Variants in STX18 observed in about 807,000 individuals in gnomAD.
STX18 encodes the protein syntaxin 18.
Under a neutral mutation model 50.1 loss-of-function variants are expected in STX18, and 40 were observed. The observed-to-expected ratio is 0.80, with a 90% CI of 0.62 to 1.04. STX18 has a LOEUF of 1.04. STX18 is among the 50% of genes least tolerant of loss of function. The pLI, the probability that STX18 is intolerant of heterozygous loss-of-function variation, is 0.00. For missense variants in STX18, 410 were observed against 415.8 expected (o/e 0.99, Z 0.12); for synonymous variants, 158 against 151.8 (o/e 1.04, Z -0.30).
In STX18 at chr4:4,443,246, T is replaced by C. The variant is rs183591953; in HGVS notation, c.498-4737A>G. Among the ~76,000 whole-genome samples, 20 of 152,388 alleles carry C rather than the reference T, an allele frequency of 1.3e-4. No individual in the cohort carries two copies. In the East Asian group the frequency reaches 3.7e-3, roughly 28 times the overall value. ...GCAATTTCGTAATTCAATTTTAATA[T>C]GGCAAAGGCCTAGGAAAAAATCCAC... On this transcript the variant is annotated intron_variant, in intron 5 of 10. Transcript: ENST00000306200.
chr4:4,541,990 C>T lies in STX18; in HGVS notation c.-26G>A, dbSNP rs1306730606. The T allele has an allele frequency of 1.9e-6, 3 of 1,558,448 alleles. No individual in the cohort carries two copies. Among genetic ancestry groups the T allele is most frequent in the Non-Finnish European group, 1.7e-6 (2 of 1,151,994 alleles). Reference sequence around the variant, plus strand: ...AGCGACCCGCACCCTCAGCCCCACACTAGGCCCGCCCACGTAAGCAGCCGG... The same window carrying T: ...AGCGACCCGCACCCTCAGCCCCACATTAGGCCCGCCCACGTAAGCAGCCGG... On this transcript the variant is annotated 5_prime_UTR_variant, in exon 1 of 11. In the 5' UTR this introduces an upstream ATG that the reference lacks. Transcript: ENST00000306200.
intron 1 of STX18, among the ~76,000 whole-genome samples, chr4:4,516,296 A>G (rs1240563310): frequency 3.3e-5 from 5 of 152,194 alleles, no homozygotes; most frequent in Non-Finnish European, 1.5e-5. Flanking sequence ...ATGGTTTCTC[A>G]AATTCCCTGG....
chr4:4,444,485 G>C (rs536272119), intron 5 of STX18, among the ~76,000 whole-genome samples: 64 of 152,280 alleles, frequency 4.2e-4, no homozygotes, highest in African/African-American at 1.5e-3. Flanking sequence ...GAGCTTCCCT[G>C]ATTGACAATA....
chr4:4,432,854 T>C (rs1420744961), intron 7 of STX18, among the ~76,000 whole-genome samples: 6 of 152,260 alleles, frequency 3.9e-5, no homozygotes, highest in Admixed American at 2.0e-4. Flanking sequence ...TCCTCTGCCC[T>C]TGGCGGCCAA....
intron 1 of STX18, among the ~76,000 whole-genome samples, chr4:4,539,473 T>C (rs977237524): frequency 6.6e-6 from 1 of 152,198 alleles, no homozygotes; most frequent in Non-Finnish European, 1.5e-5. Context: ...TGGGGAACGG[T>C]TGCAAGAACA....
chr4:4,503,112 A>G (rs1490254217), intron 1 of STX18, among the ~76,000 whole-genome samples: 1 of 152,210 alleles, frequency 6.6e-6, no homozygotes, highest in Non-Finnish European at 1.5e-5. Flanking sequence ...CACTAAAAAA[A>G]GTTAATGACA....
intron 1 of STX18, among the ~76,000 whole-genome samples, chr4:4,487,281 GT>G (rs1027439784): frequency 1.3e-5 from 2 of 152,220 alleles, no homozygotes; most frequent in African/African-American, 2.4e-5. Context: ...CCTGCAGGTG[GT>G]GGGGAGACTG....
At chr4:4,427,496 C>T (rs1433617847) in intron 7 of STX18, among the ~76,000 whole-genome samples, 1 of 152,246 alleles carries the variant, frequency 6.6e-6, no homozygotes. Flanking sequence ...GGCGCCAATT[C>T]ACTTTGGCTA....
intron 8 of STX18, 121 bp downstream of exon 8, chr4:4,425,043 G>A (rs1370659559): frequency 2.3e-6 from 2 of 859,944 alleles, no homozygotes; most frequent in African/African-American, 1.7e-5. Flanking sequence ...AAATGGCTGA[G>A]GGGGGCTGCA....
At chr4:4,430,964 CA>C (rs1348811482) in intron 7 of STX18, among the ~76,000 whole-genome samples, 1 of 152,194 alleles carries the variant, frequency 6.6e-6, no homozygotes, top group Non-Finnish European at 1.5e-5. Flanking sequence ...CATCCCTCCA[CA>C]GGATGAGAGC....
intron 1 of STX18, 120 bp downstream of exon 1, chr4:4,541,677 C>A: frequency 8.7e-7 from 1 of 1,150,186 alleles, no homozygotes; most frequent in East Asian, 2.9e-5. Context: ...ACTCTTCTGT[C>A]CCCCTTAGAG....
At chr4:4,451,796 T>C (rs964958189) in intron 5 of STX18, among the ~76,000 whole-genome samples, 13 of 152,126 alleles carry the variant, frequency 8.5e-5, no homozygotes, top group South Asian at 2.1e-4. Context: ...CCTAGAGACA[T>C]AACACAGGCC....
intron 2 of STX18, among the ~76,000 whole-genome samples, chr4:4,469,170 T>C (rs1727782343): frequency 6.6e-6 from 1 of 151,758 alleles, no homozygotes; most frequent in Non-Finnish European, 1.5e-5. Flanking sequence ...TGGCGCAGAG[T>C]AAAAGGTGAG....
intron 1 of STX18, among the ~76,000 whole-genome samples, chr4:4,523,155 T>C (rs1730590408): frequency 6.6e-6 from 1 of 152,234 alleles, no homozygotes; most frequent in African/African-American, 2.4e-5. Flanking sequence ...TTAACCATCA[T>C]GGCACAAATC....
At chr4:4,512,125 C>T (rs182893524) in intron 1 of STX18, among the ~76,000 whole-genome samples, 43 of 152,090 alleles carry the variant, frequency 2.8e-4, no homozygotes, top group African/African-American at 8.4e-4. Context: ...AAGATGGGAA[C>T]GGCAAGGATA....
chr4:4,536,261 G>C (rs1416724656), intron 1 of STX18, among the ~76,000 whole-genome samples: 3 of 152,330 alleles, frequency 2.0e-5, no homozygotes, highest in South Asian at 4.1e-4. Flanking sequence ...AGAGACAGTA[G>C]ATTAACAGTT....
intron 1 of STX18, among the ~76,000 whole-genome samples, chr4:4,495,616 G>T (rs1304648072): frequency 1.4e-5 from 2 of 147,490 alleles, no homozygotes; most frequent in Non-Finnish European, 3.0e-5. Flanking sequence ...GCCCATGCTG[G>T]TCTCAAACTC....
rs1409890000 is a variant in STX18 at position 4,541,936 on chromosome 4, C to T, written c.29G>A (p.Arg10Gln). 3 of 1,608,012 alleles carry T rather than the reference C, an allele frequency of 1.9e-6. No individual in the cohort carries two copies. Among genetic ancestry groups the T allele is most frequent in the Admixed American group, 1.7e-5 (1 of 59,708 alleles). The change falls in exon 1 of 11, where the codon CGG (arginine) becomes CAG (glutamine). Residue 10 changes from arginine to glutamine, a missense_variant. By Grantham distance (43) the Arg-to-Gln change is conservative. Transcript: ENST00000306200. MAVDITLLFRASVKTVKTRN... is the reference protein window; with the variant it reads MAVDITLLFQASVKTVKTRN... The stretch of plus-strand genomic sequence containing the variant: ...CGTCTTCACGGTCTTGACGCTGGCC[C>T]GGAATAGCAGCGTGATGTCCACCGC...
At chr4:4,472,083 G>C (rs1008111767) in intron 1 of STX18, among the ~76,000 whole-genome samples, 1 of 152,206 alleles carries the variant, frequency 6.6e-6, no homozygotes, top group African/African-American at 2.4e-5. Context: ...TGTTCTAAGG[G>C]ACAGTTCTAA....
Sources: allele counts gnomAD v4.1 joint callset (sites outside exome capture counted in the v4.1 genomes callset), GRCh38; gene constraint gnomAD v4.1.1; transcripts MANE v1.5; gene names NCBI Gene and HGNC (gene_info 2026-07-23, HGNC 2026-07-21).